Variants in CDH13 observed in about 807,000 individuals in gnomAD.
The protein encoded by CDH13 is cadherin 13.
In CDH13, 24 loss-of-function variants were observed where a neutral mutation model predicts 63.8. That is an observed-to-expected ratio of 0.38 (90% CI 0.27 to 0.53). The LOEUF (loss-of-function observed/expected upper bound fraction) is 0.53. Ranked by LOEUF, CDH13 falls within the 20% of genes least tolerant of loss-of-function variation. CDH13 has a pLI of 0.85. For synonymous variants in CDH13, 503 were observed against 355.3 expected (o/e 1.42, Z -4.67); for missense variants, 1,049 against 903.1 (o/e 1.16, Z -2.07).
chr16:82,962,174 C>A lies in CDH13; in HGVS notation c.158-69836C>A, dbSNP rs1175112600. Among the ~76,000 whole-genome samples the A allele has an allele frequency of 3.3e-5, 5 of 152,106 alleles. No homozygotes were observed. The East Asian group carries it at 5.8e-4, about 18-fold the overall frequency. On this transcript the variant is annotated intron_variant, in intron 2 of 13. Coordinates refer to ENST00000567109, the MANE Select transcript of CDH13 (RefSeq NM_001257.5). ...ATAATCCTGAATTATCTGAGCGTAT[C>A]CTAAATTGAATTTCAAGTGGCCTTG...
chr16:83,030,330 T>A (rs1426453400), intron 2 of CDH13, among the ~76,000 whole-genome samples: 10 of 152,064 alleles, frequency 6.6e-5, no homozygotes, highest in African/African-American at 1.4e-4. Context: ...TCTGCCAAAT[T>A]ATAATCATTG....
chr16:83,309,265 T>C (rs2089947602), intron 5 of CDH13, among the ~76,000 whole-genome samples: 2 of 152,234 alleles, frequency 1.3e-5, no homozygotes, highest in Admixed American at 6.5e-5. Flanking sequence ...TTGGGAGTAC[T>C]GGGATCTTTG....
intron 4 of CDH13, among the ~76,000 whole-genome samples, chr16:83,172,211 C>A (rs1383031214): frequency 6.6e-6 from 1 of 152,094 alleles, no homozygotes. Flanking sequence ...AGGCAGATGG[C>A]CGGGTACGGT....
intron 7 of CDH13, among the ~76,000 whole-genome samples, chr16:83,558,470 C>A (rs978076372): frequency 1.3e-5 from 2 of 152,180 alleles, no homozygotes; most frequent in Non-Finnish European, 2.9e-5. Context: ...ATCACTGGTG[C>A]CTTATGCATG....
chr16:82,651,021 G>C (rs1013106776), intron 1 of CDH13, among the ~76,000 whole-genome samples: 2 of 152,092 alleles, frequency 1.3e-5, no homozygotes, highest in African/African-American at 4.8e-5. Flanking sequence ...GTGGTTTTTG[G>C]GGGAGAAAAC....
chr16:83,271,422 T>TCAAAAAAAAAAA (rs1555522986), intron 5 of CDH13, among the ~76,000 whole-genome samples: 1 of 26,004 alleles, frequency 3.8e-5, no homozygotes, highest in African/African-American at 1.3e-4. Flanking sequence ...GCAGAGTTCA[T>TCAAAAAAAAAAA]AAAAAAAAAA....
At chr16:83,738,031 A>C (rs1026149088) in intron 10 of CDH13, among the ~76,000 whole-genome samples, 1 of 152,252 alleles carries the variant, frequency 6.6e-6, no homozygotes, top group African/African-American at 2.4e-5. Flanking sequence ...TGATCAATGA[A>C]TGTGCGCTTC....
intron 7 of CDH13, among the ~76,000 whole-genome samples, chr16:83,561,897 C>G (rs895248487): frequency 6.6e-6 from 1 of 152,086 alleles, no homozygotes; most frequent in Non-Finnish European, 1.5e-5. Flanking sequence ...GCACCAAAAT[C>G]AAATGGGGAT....
intron 1 of CDH13, among the ~76,000 whole-genome samples, chr16:82,794,334 T>C (rs1489022509): frequency 8.4e-6 from 1 of 118,406 alleles, no homozygotes; most frequent in African/African-American, 2.6e-5. Context: ...TGCAAAATAA[T>C]CATCTTTGTT....
intron 10 of CDH13, among the ~76,000 whole-genome samples, chr16:83,700,221 A>G (rs913005298): frequency 1.3e-5 from 2 of 152,140 alleles, no homozygotes; most frequent in African/African-American, 4.8e-5. Context: ...GCTCAGCACA[A>G]TTATTGTGGG....
intron 3 of CDH13, among the ~76,000 whole-genome samples, chr16:83,104,573 C>A (rs2034670994): frequency 6.9e-6 from 1 of 144,098 alleles, no homozygotes. Context: ...AAGAATAGTA[C>A]TTGAGGTTTG....
intron 2 of CDH13, among the ~76,000 whole-genome samples, chr16:83,014,319 T>TAAAAAAAAAAAAAAA (rs34322579): frequency 1.5e-5 from 1 of 67,716 alleles, no homozygotes; most frequent in African/African-American, 4.3e-5. Context: ...CCCAAATCGA[T>TAAAAAAAAAAAAAAA]AAAAAAAAAA....
At chr16:83,529,815 A>AAC (rs1371219047) in intron 7 of CDH13, among the ~76,000 whole-genome samples, 2 of 152,238 alleles carry the variant, frequency 1.3e-5, no homozygotes, top group East Asian at 3.8e-4. Flanking sequence ...CAACATATTG[A>AAC]ACATTTGGTC....
chr16:83,361,255 C>G (rs2091155697), intron 6 of CDH13, among the ~76,000 whole-genome samples: 1 of 152,130 alleles, frequency 6.6e-6, no homozygotes, highest in African/African-American at 2.4e-5. Flanking sequence ...CTGTTCATGC[C>G]TTTGCCCACA....
rs553158926 is a variant in CDH13, at chr16:83,659,553, G to A, written c.1102-11237G>A. On this transcript the variant is annotated intron_variant, in intron 8 of 13. Transcript: ENST00000567109. ...TGGCTGTTCATTAGAATCACAGGGG[G>A]GTGTTTTCAGAAATACGTATGCCTG... Among the ~76,000 whole-genome samples, 45 of 152,346 alleles carry A rather than the reference G, an allele frequency of 3.0e-4. 1 individual carries two copies. In the Middle Eastern group the frequency reaches 0.01, roughly 35 times the overall value.
chr16:82,746,019 T>C (rs2034146828), intron 1 of CDH13, among the ~76,000 whole-genome samples: 1 of 152,132 alleles, frequency 6.6e-6, no homozygotes, highest in Non-Finnish European at 1.5e-5. Flanking sequence ...AATTACACTG[T>C]CTTCATCATT....
chr16:83,046,844 G>A (rs1917832676), intron 3 of CDH13, among the ~76,000 whole-genome samples: 1 of 152,140 alleles, frequency 6.6e-6, no homozygotes, highest in Non-Finnish European at 1.5e-5. Flanking sequence ...TCAGAAGGGA[G>A]GATTGTGAAA....
chr16:82,760,295 C>T (rs1239974634), intron 1 of CDH13, among the ~76,000 whole-genome samples: 1 of 152,078 alleles, frequency 6.6e-6, no homozygotes, highest in Non-Finnish European at 1.5e-5. Flanking sequence ...ATCAAAATAA[C>T]AGGGAGAGAT....
chr16:83,469,747 G>A (rs2073408380), intron 6 of CDH13, among the ~76,000 whole-genome samples: 1 of 152,186 alleles, frequency 6.6e-6, no homozygotes, highest in African/African-American at 2.4e-5. Flanking sequence ...GACTGGGGTT[G>A]AATAAAATGC....
Sources: gnomAD v4.1 joint callset for allele counts (sites outside exome capture counted in the v4.1 genomes callset) on GRCh38, gnomAD v4.1.1 for gene constraint, MANE v1.5 for transcripts, NCBI Gene and HGNC (gene_info 2026-07-23, HGNC 2026-07-21) for gene names.